Variants in ERC1 observed in about 807,000 individuals in gnomAD.
ERC1 encodes ELKS/RAB6-interacting/CAST family member 1.
In ERC1, 56 loss-of-function variants were observed where a neutral mutation model predicts 132.0. The ratio of observed to expected loss-of-function variants is 0.42; its 90% CI spans 0.34 to 0.53. The LOEUF (loss-of-function observed/expected upper bound fraction) is 0.53. Among genes scored for constraint, ERC1 ranks in the 20% least tolerant of loss-of-function variants. The pLI is 0.03. For synonymous variants in ERC1, 478 were observed against 476.1 expected, an observed-to-expected ratio of 1.00 and a Z score of -0.05; for missense variants, 1,202 against 1,349.9, an observed-to-expected ratio of 0.89 and a Z score of 1.72.
At chr12:1,432,369 G>A (rs928679863) in intron 17 of ERC1, among the ~76,000 whole-genome samples, 5 of 152,218 alleles carry the variant, frequency 3.3e-5, no homozygotes, top group Non-Finnish European at 7.3e-5. Flanking sequence ...GGACTGTAGT[G>A]CTGTGTTGCT....
intron 12 of ERC1, among the ~76,000 whole-genome samples, chr12:1,199,470 G>A (rs1205197370): frequency 6.7e-6 from 1 of 148,952 alleles, no homozygotes; most frequent in Non-Finnish European, 1.5e-5. Context: ...AACTGACTTT[G>A]TTAAAAAAAA....
intron 3 of ERC1, among the ~76,000 whole-genome samples, chr12:1,095,195 T>A (rs1471397593): frequency 6.6e-6 from 1 of 151,958 alleles, no homozygotes; most frequent in African/African-American, 2.4e-5. Context: ...TTTGGGAGGC[T>A]TAGGTGGGCA....
chr12:1,320,503 T>C (rs1469704557), intron 15 of ERC1, among the ~76,000 whole-genome samples: 2 of 152,218 alleles, frequency 1.3e-5, no homozygotes, highest in Non-Finnish European at 2.9e-5. Flanking sequence ...TTAATGAACA[T>C]TTAAGTTACT....
At chr12:1,187,072 C>T (rs1207411917) in intron 11 of ERC1, among the ~76,000 whole-genome samples, 1 of 152,174 alleles carries the variant, frequency 6.6e-6, no homozygotes, top group African/African-American at 2.4e-5. Flanking sequence ...CTCAGGTGAT[C>T]CACCCACCTC....
chr12:1,408,227 C>T lies in ERC1; in HGVS notation c.3004C>T (p.His1002Tyr). ...FKSSHSNQTNHKPSPDQIIQP... is the reference protein window; with the variant it reads ...FKSSHSNQTNYKPSPDQIIQP... ...ATCCTCCCATTCCAATCAAACAAAT[C>T]ACAAGCCCTCCCCAGACCAGGTAAG... The change falls in exon 17 of 19, where the codon CAC becomes TAC. Residue 1002 changes from histidine to tyrosine, a missense_variant. His to Tyr is a moderately conservative substitution (Grantham distance 83). Transcript: ENST00000360905. The T allele has an allele frequency of 1.9e-6, 3 of 1,613,710 alleles. No individual in the cohort carries two copies. Among genetic ancestry groups the T allele is most frequent in the African/African-American group, 2.7e-5 (2 of 75,036 alleles).
intron 16 of ERC1, chr12:1,390,890 T>C (rs1445282544): frequency 1.3e-5 from 2 of 152,240 alleles, no homozygotes; most frequent in Non-Finnish European, 2.9e-5. Flanking sequence ...AGGAAATTAA[T>C]GAAGCCTTAC....
chr12:1,022,558 G>C (rs1966539695), intron 1 of ERC1, among the ~76,000 whole-genome samples: 1 of 152,148 alleles, frequency 6.6e-6, no homozygotes. Flanking sequence ...ATCTCATCTT[G>C]AATTGTAGTT....
upstream of ERC1, chr12:990,732 G>C (rs545091668): frequency 6.6e-6 from 1 of 152,228 alleles, no homozygotes; most frequent in African/African-American, 2.4e-5. Context: ...GGTCGATCCC[G>C]GCGCTGCTCC....
intron 1 of ERC1, among the ~76,000 whole-genome samples, chr12:998,653 C>T (rs1405729681): frequency 6.6e-6 from 1 of 152,118 alleles, no homozygotes; most frequent in African/African-American, 2.4e-5. Context: ...TCACTAGGTC[C>T]AGTGCACTCA....
intron 7 of ERC1, among the ~76,000 whole-genome samples, chr12:1,118,086 T>G (rs899242329): frequency 6.6e-6 from 1 of 152,242 alleles, no homozygotes; most frequent in African/African-American, 2.4e-5. Context: ...TTACACTCTT[T>G]AAGTTATTTT....
Position 1,236,754 on chromosome 12 carries a change from T to C in ERC1, c.2352-15T>C. On this transcript the variant is annotated splice_polypyrimidine_tract_variant and intron_variant, in intron 12 of 18. Transcript: ENST00000360905. ...ATACATATGCAAAGCTTGATTTTTC[T>C]CCTTCTGTCATTAGGCAAGTGAAAG... The C allele has an allele frequency of 1.2e-6, 2 of 1,610,804 alleles. No homozygotes were observed. Among genetic ancestry groups the C allele is most frequent in the Non-Finnish European group, 1.7e-6 (2 of 1,178,252 alleles).
chr12:1,150,956 T>G (rs1950781037), intron 8 of ERC1, among the ~76,000 whole-genome samples: 2 of 152,228 alleles, frequency 1.3e-5, no homozygotes, highest in African/African-American at 4.8e-5. Flanking sequence ...AAGAATAATG[T>G]ATCCGTGTTG....
At chr12:1,001,273 G>A (rs548615920) in intron 1 of ERC1, among the ~76,000 whole-genome samples, 1 of 152,148 alleles carries the variant, frequency 6.6e-6, no homozygotes, top group South Asian at 2.1e-4. Flanking sequence ...GTCTAGGCTG[G>A]CATCGAATTC....
At chr12:1,137,100 C>CTTTTTTTTTTTT (rs944757047) in intron 7 of ERC1, among the ~76,000 whole-genome samples, 3 of 122,912 alleles carry the variant, frequency 2.4e-5, no homozygotes, top group African/African-American at 6.1e-5. Flanking sequence ...TTTTTCTTTT[C>CTTTTTTTTTTTT]TTTTTTTTTT....
At chr12:1,227,395 A>G (rs2074669328) in intron 12 of ERC1, among the ~76,000 whole-genome samples, 1 of 152,086 alleles carries the variant, frequency 6.6e-6, no homozygotes, top group Admixed American at 6.5e-5. Context: ...GTATTTTCAC[A>G]TTTAGCTATC....
intron 6 of ERC1, among the ~76,000 whole-genome samples, chr12:1,115,005 G>C (rs1164291268): frequency 6.6e-6 from 1 of 152,124 alleles, no homozygotes; most frequent in Non-Finnish European, 1.5e-5. Flanking sequence ...ATACATTCAA[G>C]TTTTTGAAAA....
At chr12:1,172,146 C>T (rs909090764) in intron 8 of ERC1, among the ~76,000 whole-genome samples, 4 of 152,126 alleles carry the variant, frequency 2.6e-5, no homozygotes, top group Admixed American at 6.5e-5. Context: ...GGAATAACGT[C>T]GTCTTTCTCC....
rs1031865848 is a variant in ERC1, at chr12:1,190,021, G to A, written c.2320G>A (p.Asp774Asn). 6.2e-7 allele frequency: 1 copy of A among 1,613,898 alleles called. No individual in the cohort carries two copies. Among genetic ancestry groups the A allele is most frequent in the East Asian group, 2.2e-5 (1 of 44,880 alleles). Residue 774 changes from aspartate to asparagine, a missense_variant, in exon 12 of 19, where the codon GAC becomes AAC. Coordinates refer to ENST00000360905, the MANE Select transcript of ERC1 (RefSeq NM_178040.4). ...GAAGGAGGTGGAAAATGAGAAGAAT[G>A]ACAAAGATAAGAAGATAGCTGAGTT... is the stretch of plus-strand genomic sequence containing the variant. Reference protein sequence around the residue: ...ILKEVENEKNDKDKKIAELER... With the variant: ...ILKEVENEKNNKDKKIAELER...
At chr12:1,179,838 T>C (rs1339424677) in intron 8 of ERC1, among the ~76,000 whole-genome samples, 1 of 152,210 alleles carries the variant, frequency 6.6e-6, no homozygotes, top group Non-Finnish European at 1.5e-5. Flanking sequence ...GTGTCTGGCA[T>C]GTAATACAGA....
Sources: allele counts gnomAD v4.1 joint callset (sites outside exome capture counted in the v4.1 genomes callset), GRCh38; gene constraint gnomAD v4.1.1; transcripts MANE v1.5; gene names NCBI Gene and HGNC (gene_info 2026-07-23, HGNC 2026-07-21).